Variants in EPHA7 observed in about 807,000 individuals in gnomAD.
The protein encoded by EPHA7 is ephrin type-A receptor 7.
Under a neutral mutation model 112.6 loss-of-function variants are expected in EPHA7, and 25 were observed. The ratio of observed to expected loss-of-function variants is 0.22; its 90% confidence interval spans 0.16 to 0.31. The LOEUF (loss-of-function observed/expected upper bound fraction) is 0.31, where lower values mean the gene tolerates loss of function less well. Ranked by LOEUF, EPHA7 falls within the 10% of genes least tolerant of loss-of-function variation. The pLI, the probability that EPHA7 is intolerant of heterozygous loss-of-function variation, is 1.00. For synonymous variants in EPHA7, 437 were observed against 406.5 expected (o/e 1.07, Z -0.90); for missense variants, 962 against 1,212.6 (o/e 0.79, Z 3.07).
At chr6:93,353,464 A>T (rs557291007) in intron 5 of EPHA7, among the ~76,000 whole-genome samples, 12 of 152,166 alleles carry the variant, frequency 7.9e-5, no homozygotes, top group Admixed American at 1.3e-4. Context: ...TTTACAGGCC[A>T]AACAAAATTA....
intron 16 of EPHA7, 50 bp from the exon 17 acceptor site, chr6:93,243,590 G>A: frequency 7.9e-7 from 1 of 1,260,768 alleles, no homozygotes; most frequent in Non-Finnish European, 1.2e-6. Flanking sequence ...AAGAATAAAT[G>A]TGGCACTAAA....
intron 3 of EPHA7, among the ~76,000 whole-genome samples, chr6:93,399,902 C>A (rs956126805): frequency 6.6e-5 from 10 of 151,902 alleles, no homozygotes; most frequent in Non-Finnish European, 2.9e-5. Context: ...ACTAAAAAAA[C>A]CCTCTAATTT....
intron 3 of EPHA7, among the ~76,000 whole-genome samples, chr6:93,371,360 T>C (rs1473487472): frequency 1.3e-5 from 2 of 152,148 alleles, no homozygotes. Context: ...GTATTAGATA[T>C]TGTAAGTAAT....
At chr6:93,296,292 A>AC in intron 5 of EPHA7, among the ~76,000 whole-genome samples, 1 of 151,268 alleles carries the variant, frequency 6.6e-6, no homozygotes, top group African/African-American at 2.4e-5. Flanking sequence ...CTGGGACTAT[A>AC]CCCAAAGGGA....
At chr6:93,371,751 T>C (rs943597463) in intron 3 of EPHA7, among the ~76,000 whole-genome samples, 15 of 152,218 alleles carry the variant, frequency 9.9e-5, no homozygotes, top group Non-Finnish European at 2.2e-4. Flanking sequence ...TAAACGAATA[T>C]GTATAGAGAG....
At position 93,264,627 on chromosome 6, in the gene EPHA7, A is replaced by G. The variant is rs773473690; in HGVS notation, c.1709T>C (p.Val570Ala). The part of the protein sequence containing the change: ...VVAVAGTIIL[V>A]FMVFGFIIGR... ...AATGATGAAGCCAAAGACCATGAAC[A>G]CCAAAATGATGGTCCCAGCTACAGC... The change falls in exon 8 of 17, where the codon GTG (valine) becomes GCG (alanine). Residue 570 changes from valine to alanine, a missense_variant. Physicochemically the swap from Val to Ala is moderately conservative, Grantham distance 64. This residue lies in a region of EPHA7 where 746 missense variants were observed against 889.2 expected (regional missense o/e 0.84). Coordinates refer to ENST00000369303, the MANE Select transcript of EPHA7 (RefSeq NM_004440.4). 1 of 1,607,620 alleles carries G rather than the reference A, an allele frequency of 6.2e-7. No homozygotes were observed.
intron 3 of EPHA7, among the ~76,000 whole-genome samples, chr6:93,367,728 A>G (rs1353268002): frequency 6.6e-6 from 1 of 152,144 alleles, no homozygotes; most frequent in Non-Finnish European, 1.5e-5. Flanking sequence ...TATAAAATAG[A>G]GAAAATAATA....
At position 93,410,958 on chromosome 6, in the gene EPHA7, C is replaced by A. The variant is rs767086353; in HGVS notation, c.375G>T (p.Leu125Phe). 12 of 1,613,882 alleles carry A rather than the reference C, an allele frequency of 7.4e-6. No individual in the cohort carries two copies. Among genetic ancestry groups the A allele is most frequent in the African/African-American group, 1.3e-5 (1 of 74,902 alleles). Residue 125 changes from leucine (L) to phenylalanine (F), a missense_variant, in exon 3 of 17, where the codon TTG becomes TTT. Around this residue, in one of 3 missense-constraint regions of EPHA7, gnomAD observed 160 missense variants for 263.6 expected, o/e 0.61. Coordinates refer to ENST00000369303, the MANE Select transcript of EPHA7 (RefSeq NM_004440.4). This position sits in a 1 kb window ranked among gnomAD's most constrained non-coding sequence, Gnocchi z 4.0. ...VLGTCKETFNLYYYETDYDTG... is the reference protein window; with the variant it reads ...VLGTCKETFNFYYYETDYDTG... Reference sequence around the variant, plus strand: ...TGTCATAGTCTGTTTCATAATAGTACAAATTAAATGTTTCCTTGCAAGTTC... The same window carrying A: ...TGTCATAGTCTGTTTCATAATAGTAAAAATTAAATGTTTCCTTGCAAGTTC...
chr6:93,389,663 T>C (rs980521679), intron 3 of EPHA7, among the ~76,000 whole-genome samples: 6 of 152,044 alleles, frequency 3.9e-5, no homozygotes, highest in Non-Finnish European at 8.8e-5. Context: ...AAATTAGCTA[T>C]AATTTCAATC....
intron 9 of EPHA7, chr6:93,260,756 A>G: frequency 2.0e-6 from 2 of 982,748 alleles, no homozygotes; most frequent in Non-Finnish European, 2.4e-6. Context: ...TATAAAACTG[A>G]CAGATGCTCA....
chr6:93,356,358 C>A (rs1023708003), intron 5 of EPHA7, among the ~76,000 whole-genome samples: 1 of 152,162 alleles, frequency 6.6e-6, no homozygotes, highest in Non-Finnish European at 1.5e-5. Context: ...CAGGTGTGCA[C>A]CACCATGCCC....
intron 3 of EPHA7, among the ~76,000 whole-genome samples, chr6:93,402,154 T>A (rs908168462): frequency 2.6e-5 from 4 of 151,988 alleles, no homozygotes; most frequent in Non-Finnish European, 5.9e-5. Context: ...ATCAGACACA[T>A]TAGTTTCCTA....
In EPHA7 at chr6:93,241,634, A is replaced by G. The variant is rs939456233; in HGVS notation, c.*1792T>C. The G allele has an allele frequency of 1.8e-5, 4 of 219,502 alleles. No individual in the cohort carries two copies. Among genetic ancestry groups the G allele is most frequent in the African/African-American group, 6.7e-5 (3 of 44,500 alleles). The allele number at this position is 219,502 out of a possible 1,614,324, so 13.6% of individuals were successfully genotyped here. A position where few individuals can be genotyped will look rare whatever the true frequency, so the allele number is the denominator to read the frequency against. Reference sequence around the variant, plus strand: ...TACAGTGATTTAAAACCAAAAAAAAAGGGTGGGGAGGGGTTTGGGAAGCAA... The same window carrying G: ...TACAGTGATTTAAAACCAAAAAAAAGGGGTGGGGAGGGGTTTGGGAAGCAA... On this transcript the variant is annotated 3_prime_UTR_variant, in exon 17 of 17. Transcript: ENST00000369303.
chr6:93,269,489 T>C lies in EPHA7; in HGVS notation c.1621A>G (p.Lys541Glu). 7 of 1,610,734 alleles carry C rather than the reference T, an allele frequency of 4.3e-6. No individual in the cohort carries two copies. The highest frequency in any genetic ancestry group is 5.9e-6 in the Non-Finnish European group (7 of 1,177,896). The stretch of plus-strand genomic sequence containing the variant: ...AAGGCATAATTACCTTCAAACATTT[T>C]ACCTGTAGCTTCCTCTAGTGTAGCA... ...DVATLEEATG[K>E]MFEATAVSSE... is the part of the protein sequence containing the mutation. Residue 541 changes from lysine (K) to glutamate (E), a missense_variant, in exon 7 of 17, where the codon AAA (lysine) becomes GAA (glutamate). Lys to Glu is a moderately conservative substitution (Grantham distance 56, BLOSUM62 1). Coordinates refer to ENST00000369303, the MANE Select transcript of EPHA7 (RefSeq NM_004440.4).
At chr6:93,243,605 C>A in intron 16 of EPHA7, 65 bp from the exon 17 acceptor site, 1 of 1,076,986 alleles carries the variant, frequency 9.3e-7, no homozygotes. Context: ...ACTAAACTGT[C>A]ATCAACTGTT....
At chr6:93,334,772 G>A (rs1217873711) in intron 5 of EPHA7, among the ~76,000 whole-genome samples, 2 of 152,010 alleles carry the variant, frequency 1.3e-5, no homozygotes, top group Admixed American at 6.6e-5. Flanking sequence ...AAGGTTAAAC[G>A]AGTGATGCAA....
intron 5 of EPHA7, among the ~76,000 whole-genome samples, chr6:93,293,126 GATT>G (rs766523533): frequency 2.0e-4 from 31 of 151,496 alleles, no homozygotes; most frequent in Non-Finnish European, 4.1e-4. Flanking sequence ...TTAAGAATTA[GATT>G]ATTAAAAATC....
At chr6:93,265,506 A>T (rs1322930172) in intron 7 of EPHA7, among the ~76,000 whole-genome samples, 1 of 151,634 alleles carries the variant, frequency 6.6e-6, no homozygotes, top group African/African-American at 2.4e-5. Flanking sequence ...CTGATATAGA[A>T]TTTTTGCACT....
intron 1 of EPHA7, among the ~76,000 whole-genome samples, chr6:93,415,518 T>C (rs1465794272): frequency 6.6e-6 from 1 of 152,064 alleles, no homozygotes; most frequent in Admixed American, 6.5e-5. Context: ...TAAAGTGTTA[T>C]AAATGCTCCT....
Sources: allele counts gnomAD v4.1 joint callset (sites outside exome capture counted in the v4.1 genomes callset), GRCh38; gene constraint gnomAD v4.1.1; regional missense constraint gnomAD v4.1.1; non-coding constraint Gnocchi (gnomAD v3.1); transcripts MANE v1.5; gene names NCBI Gene and HGNC (gene_info 2026-07-23, HGNC 2026-07-21).